PALLD: variants seen among roughly 807,000 people sequenced by gnomAD.
PALLD encodes the protein palladin.
PALLD carries 61 observed loss-of-function variants against 123.5 expected under a neutral mutation model. The observed-to-expected ratio is 0.49, with a 90% CI of 0.40 to 0.61. The LOEUF is 0.61. PALLD is among the 20% of genes least tolerant of loss of function. The pLI, the probability that PALLD is intolerant of heterozygous loss-of-function variation, is 0.00. For missense variants in PALLD, 1,273 were observed against 1,377.0 expected, an observed-to-expected ratio of 0.92 and a Z score of 1.20; for synonymous variants, 465 against 496.4, an observed-to-expected ratio of 0.94 and a Z score of 0.84.
intron 10 of PALLD, among the ~76,000 whole-genome samples, chr4:168,748,369 T>C (rs1730591004): frequency 6.6e-6 from 1 of 152,204 alleles, no homozygotes; most frequent in Non-Finnish European, 1.5e-5. Context: ...TAACCACTGG[T>C]ACAGACAAAT....
At chr4:168,683,630 G>C (rs1256759653) in intron 5 of PALLD, among the ~76,000 whole-genome samples, 1 of 152,070 alleles carries the variant, frequency 6.6e-6, no homozygotes, top group Non-Finnish European at 1.5e-5. Context: ...CTGGAAAGTA[G>C]TTGTAATGAA....
At chr4:168,517,261 G>T (rs1215258120) in intron 2 of PALLD, among the ~76,000 whole-genome samples, 3 of 151,974 alleles carry the variant, frequency 2.0e-5, no homozygotes, top group Non-Finnish European at 2.9e-5. Flanking sequence ...ATTAATATAA[G>T]GTAAATGTGT....
At chr4:168,504,536 G>A (rs756060342) in intron 1 of PALLD, among the ~76,000 whole-genome samples, 1 of 151,024 alleles carries the variant, frequency 6.6e-6, no homozygotes, top group Non-Finnish European at 1.5e-5. Context: ...GGATCTTGCA[G>A]TGAACTGAGA....
chr4:168,835,675 TG>T (rs1438188380), intron 10 of PALLD, among the ~76,000 whole-genome samples: 1 of 136,224 alleles, frequency 7.3e-6, no homozygotes, highest in Non-Finnish European at 1.7e-5. Context: ...AGATGAGAAA[TG>T]TTTCATCCAA....
intron 2 of PALLD, among the ~76,000 whole-genome samples, chr4:168,570,974 T>G (rs1405746666): frequency 2.0e-5 from 3 of 152,212 alleles, no homozygotes; most frequent in Non-Finnish European, 4.4e-5. Flanking sequence ...AAGCATTTAT[T>G]TAGGCTCTAT....
intron 10 of PALLD, among the ~76,000 whole-genome samples, chr4:168,713,901 C>T (rs1311558848): frequency 2.1e-5 from 3 of 145,658 alleles, no homozygotes; most frequent in African/African-American, 7.6e-5. Context: ...CAAAACCCAA[C>T]AGCTTAGAAA....
At chr4:168,875,924 C>T (rs536168190) in intron 10 of PALLD, among the ~76,000 whole-genome samples, 29 of 152,302 alleles carry the variant, frequency 1.9e-4, no homozygotes, top group Middle Eastern at 3.4e-3. Flanking sequence ...ATGTCTGTAG[C>T]TACTTCAGCA....
chr4:168,922,102 T>TATAC (rs1459158507), intron 18 of PALLD, among the ~76,000 whole-genome samples: 175 of 132,620 alleles, frequency 1.3e-3, no homozygotes, highest in Middle Eastern at 3.9e-3. Flanking sequence ...TATATATATA[T>TATAC]ACACACACAC....
chr4:168,905,243 T>C (rs1288633697), intron 15 of PALLD, among the ~76,000 whole-genome samples: 195 of 132,540 alleles, frequency 1.5e-3, no homozygotes, highest in Non-Finnish European at 2.1e-3. Flanking sequence ...CTCCGCCTCC[T>C]GCGTTCACAC....
In PALLD at chr4:168,709,148, G is replaced by A. The variant is rs766935398; in HGVS notation, c.1621+1G>A. The A allele has an allele frequency of 2.5e-6, 4 of 1,613,624 alleles. No homozygotes were observed. Among genetic ancestry groups the A allele is most frequent in the Admixed American group, 3.3e-5 (2 of 60,008 alleles). ...ACTGCCCAGCTGGTTGTCACCTCAG[G>A]TATGTGAGGAGTAAAAAAAATGACT... On this transcript the variant is annotated splice_donor_variant, in intron 9 of 21. Coordinates refer to ENST00000505667, the MANE Select transcript of PALLD (RefSeq NM_001166108.2). LOFTEE classifies it high-confidence loss of function.
At chr4:168,754,237 T>A (rs1049487323) in intron 10 of PALLD, among the ~76,000 whole-genome samples, 1 of 152,234 alleles carries the variant, frequency 6.6e-6, no homozygotes, top group Admixed American at 6.5e-5. Flanking sequence ...CATCTCCTGA[T>A]AACTTTTTTT....
At chr4:168,789,963 C>CA (rs1737277004) in intron 10 of PALLD, among the ~76,000 whole-genome samples, 1 of 151,866 alleles carries the variant, frequency 6.6e-6, no homozygotes. Flanking sequence ...TTGAAATATG[C>CA]AAATTTAAAC....
At chr4:168,744,221 C>T (rs1480873309) in intron 10 of PALLD, among the ~76,000 whole-genome samples, 3 of 152,066 alleles carry the variant, frequency 2.0e-5, no homozygotes, top group Non-Finnish European at 2.9e-5. Flanking sequence ...GTGTGAGAAT[C>T]GTGCGTGTCC....
At chr4:168,697,371 G>A (rs1051478186) in intron 8 of PALLD, among the ~76,000 whole-genome samples, 3 of 152,220 alleles carry the variant, frequency 2.0e-5, no homozygotes, top group Admixed American at 6.5e-5. Flanking sequence ...ATAGAAGCAA[G>A]AGGCAAAGGG....
intron 2 of PALLD, among the ~76,000 whole-genome samples, chr4:168,620,320 T>A (rs1774636349): frequency 6.6e-6 from 1 of 152,116 alleles, no homozygotes; most frequent in Non-Finnish European, 1.5e-5. Flanking sequence ...CCAGGCGTGG[T>A]GGCACGCTCC....
At position 168,512,061 on chromosome 4, in the gene PALLD, C is replaced by A. The variant is rs1762574587; in HGVS notation, c.557C>A (p.Ala186Glu). 1 of 1,614,076 alleles carries A rather than the reference C, an allele frequency of 6.2e-7. No individual in the cohort carries two copies. Among genetic ancestry groups the A allele is most frequent in the Non-Finnish European group, 8.5e-7 (1 of 1,180,046 alleles). ...GAGCTAACATCCATATTTAAAGCCGCAAAGCCAAGAAACAGAAGCCCAAAT... is the reference window on the plus strand; with the variant it reads ...GAGCTAACATCCATATTTAAAGCCGAAAAGCCAAGAAACAGAAGCCCAAAT... ...IEELTSIFKA[A>E]KPRNRSPNGE... is the part of the protein sequence containing the mutation. Residue 186 changes from alanine (A) to glutamate (E), a missense_variant, in exon 2 of 22, where the codon GCA (alanine) becomes GAA (glutamate). This residue lies in a region of PALLD where 944 missense variants were observed against 954.5 expected (regional missense o/e 0.99). Transcript: ENST00000505667.
intron 16 of PALLD, chr4:168,914,223 T>G: frequency 1.7e-6 from 1 of 595,572 alleles, no homozygotes; most frequent in South Asian, 2.0e-5. Context: ...TTCGCTAATG[T>G]GTGCTAAGCC....
At chr4:168,823,413 C>T (rs139547820) in intron 10 of PALLD, among the ~76,000 whole-genome samples, 3 of 152,282 alleles carry the variant, frequency 2.0e-5, no homozygotes, top group African/African-American at 7.2e-5. Context: ...AGGTAGTTCA[C>T]GCCTAGAGTC....
intron 10 of PALLD, among the ~76,000 whole-genome samples, chr4:168,759,108 G>A (rs1478309317): frequency 1.7e-4 from 25 of 147,296 alleles, no homozygotes; most frequent in Non-Finnish European, 3.0e-4. Context: ...GAACCCGGGA[G>A]GCGGAGGTTG....
Sources: gnomAD v4.1 joint callset for allele counts (sites outside exome capture counted in the v4.1 genomes callset) on GRCh38, gnomAD v4.1.1 for gene constraint, gnomAD v4.1.1 regional missense constraint, MANE v1.5 for transcripts, NCBI Gene and HGNC (gene_info 2026-07-23, HGNC 2026-07-21) for gene names.